PAX7: variants seen among roughly 807,000 people sequenced by gnomAD.
PAX7 encodes the protein paired box 7.
A neutral mutation model predicts 50.7 loss-of-function variants in PAX7; 18 were observed. That is an observed-to-expected ratio of 0.36 (90% CI 0.25 to 0.53). The LOEUF is 0.53. Among genes scored for constraint, PAX7 ranks in the 20% least tolerant of loss-of-function variants. The probability of loss-of-function intolerance (pLI) is 0.93; values close to 1 mark genes in which losing one functional copy is unlikely to be tolerated. For missense variants in PAX7, 644 were observed against 702.9 expected (o/e 0.92, Z 0.95); for synonymous variants, 310 against 290.4 (o/e 1.07, Z -0.69).
chr1:18,704,748 A>G (rs1413528600), intron 7 of PAX7, among the ~76,000 whole-genome samples: 1 of 151,920 alleles, frequency 6.6e-6, no homozygotes, highest in African/African-American at 2.4e-5. Flanking sequence ...CAAGAATGTT[A>G]ATTTTCTGCT....
At chr1:18,652,791 G>A (rs2088453648) in intron 4 of PAX7, among the ~76,000 whole-genome samples, 2 of 152,162 alleles carry the variant, frequency 1.3e-5, no homozygotes, top group Non-Finnish European at 2.9e-5. Context: ...GTCCAGATGG[G>A]CAGGGCCATC....
chr1:18,659,180 C>A, intron 4 of PAX7, among the ~76,000 whole-genome samples: 1 of 152,182 alleles, frequency 6.6e-6, no homozygotes, highest in East Asian at 1.9e-4. Flanking sequence ...GCTCCTGCAC[C>A]AGATTAGGAC....
At chr1:18,645,212 C>A (rs576968338) in intron 4 of PAX7, among the ~76,000 whole-genome samples, 1 of 152,172 alleles carries the variant, frequency 6.6e-6, no homozygotes, top group East Asian at 1.9e-4. Flanking sequence ...GCAGCCAGCC[C>A]CCAAGCTGAC....
intron 7 of PAX7, among the ~76,000 whole-genome samples, chr1:18,728,798 GA>G (rs1243246680): frequency 2.0e-5 from 3 of 151,692 alleles, no homozygotes; most frequent in African/African-American, 7.3e-5. Flanking sequence ...CTGGGAGGCA[GA>G]GGTTGCGGTG....
At chr1:18,659,967 C>T (rs983218973) in intron 4 of PAX7, among the ~76,000 whole-genome samples, 1 of 152,182 alleles carries the variant, frequency 6.6e-6, no homozygotes, top group Non-Finnish European at 1.5e-5. Flanking sequence ...GCCATGTGCT[C>T]GAGGACCTTA....
At chr1:18,676,444 C>T (rs954605150) in intron 4 of PAX7, among the ~76,000 whole-genome samples, 6 of 140,586 alleles carry the variant, frequency 4.3e-5, no homozygotes, top group African/African-American at 1.6e-4. Flanking sequence ...AAAGGCCTCT[C>T]GCTGCCCAGC....
intron 4 of PAX7, among the ~76,000 whole-genome samples, chr1:18,671,781 G>A (rs534522741): frequency 1.3e-5 from 2 of 151,384 alleles, no homozygotes; most frequent in African/African-American, 2.4e-5. Flanking sequence ...GCCAGGAGCT[G>A]GCATAGCAAG....
chr1:18,680,299 T>C (rs752094699), intron 4 of PAX7, among the ~76,000 whole-genome samples: 1 of 152,098 alleles, frequency 6.6e-6, no homozygotes, highest in Non-Finnish European at 1.5e-5. Flanking sequence ...ACAAGTGACA[T>C]GCTCAGGGTC....
chr1:18,744,861 C>T lies in PAX7; in HGVS notation c.1450C>T (p.Arg484Cys), dbSNP rs1185057613. The change falls in exon 9 of 9, where the codon CGC (arginine) becomes TGC (cysteine). Residue 484 changes from arginine (R) to cysteine (C), a missense_variant. By Grantham distance (180) the Arg-to-Cys change is radical. Transcript: ENST00000420770. Reference protein sequence around the residue: ...AKNVSLSTQRRMKLGEHSAVL... With the variant: ...AKNVSLSTQRCMKLGEHSAVL... ...AAATGTGAGCCTCTCCACCCAGCGT[C>T]GCATGAAGCTCGGGGAGCACTCTGC... 5.1e-6 allele frequency: 8 copies of T among 1,558,438 alleles called. No individual in the cohort carries two copies. The highest frequency in any genetic ancestry group is 3.6e-5 in the South Asian group (3 of 84,346).
intron 4 of PAX7, among the ~76,000 whole-genome samples, chr1:18,647,479 A>C (rs1424969553): frequency 7.5e-6 from 1 of 133,978 alleles, no homozygotes; most frequent in African/African-American, 2.7e-5. Context: ...GAGATGCCTG[A>C]ATTGGGCGGG....
chr1:18,646,532 C>T (rs2088341794), intron 4 of PAX7, among the ~76,000 whole-genome samples: 1 of 152,204 alleles, frequency 6.6e-6, no homozygotes. Context: ...GGAAACTGGT[C>T]AGCGGGTGCA....
chr1:18,652,492 A>T (rs1424724338), intron 4 of PAX7, among the ~76,000 whole-genome samples: 1 of 152,218 alleles, frequency 6.6e-6, no homozygotes, highest in Non-Finnish European at 1.5e-5. Flanking sequence ...AAAGGGACTG[A>T]CAGAGGAGTG....
At chr1:18,697,288 AT>A (rs1381530974) in intron 5 of PAX7, among the ~76,000 whole-genome samples, 2 of 152,162 alleles carry the variant, frequency 1.3e-5, no homozygotes, top group Admixed American at 6.5e-5. Flanking sequence ...CTGACCAGAG[AT>A]TCTGGGTAGG....
intron 8 of PAX7, among the ~76,000 whole-genome samples, chr1:18,737,949 C>T (rs1557561635): frequency 1.3e-5 from 2 of 152,210 alleles, no homozygotes; most frequent in East Asian, 3.8e-4. Context: ...TGCATTGAGG[C>T]ATGCACACAT....
At chr1:18,741,208 G>A (rs1040795812) in intron 8 of PAX7, among the ~76,000 whole-genome samples, 3 of 152,200 alleles carry the variant, frequency 2.0e-5, no homozygotes, top group Admixed American at 6.5e-5. Flanking sequence ...CAGCACTTTG[G>A]GAGGCCAAAG....
chr1:18,736,932 C>G (rs1280293231), intron 8 of PAX7, among the ~76,000 whole-genome samples: 1 of 152,250 alleles, frequency 6.6e-6, no homozygotes, highest in African/African-American at 2.4e-5. Flanking sequence ...AGTGGGAGAC[C>G]CTGCCCCTTC....
At chr1:18,710,912 A>G (rs896234625) in intron 7 of PAX7, among the ~76,000 whole-genome samples, 2 of 152,228 alleles carry the variant, frequency 1.3e-5, no homozygotes, top group African/African-American at 4.8e-5. Context: ...TGGAGGGATC[A>G]GAATTCATTT....
intron 7 of PAX7, among the ~76,000 whole-genome samples, chr1:18,707,234 A>G (rs1473266436): frequency 6.6e-6 from 1 of 152,154 alleles, no homozygotes; most frequent in African/African-American, 2.4e-5. Context: ...TAAAAGGCAT[A>G]CAGTATGTTT....
intron 7 of PAX7, among the ~76,000 whole-genome samples, chr1:18,731,783 T>C (rs2089650452): frequency 6.6e-6 from 1 of 152,092 alleles, no homozygotes; most frequent in Non-Finnish European, 1.5e-5. Flanking sequence ...GATTTGATGT[T>C]CCAGGGCAAA....
Sources: gnomAD v4.1 joint callset for allele counts (sites outside exome capture counted in the v4.1 genomes callset) on GRCh38, gnomAD v4.1.1 for gene constraint, MANE v1.5 for transcripts, NCBI Gene and HGNC (gene_info 2026-07-23, HGNC 2026-07-21) for gene names.